TDRD9: variants seen among roughly 807,000 people sequenced by gnomAD.
The protein encoded by TDRD9 is ATP-dependent RNA helicase TDRD9.
In TDRD9, 124 loss-of-function variants were observed where a neutral mutation model predicts 172.6. That is an observed-to-expected ratio of 0.72 (90% CI 0.62 to 0.83). The LOEUF is 0.83. Ranked by LOEUF, TDRD9 falls within the 40% of genes least tolerant of loss-of-function variation. The pLI is 0.00. For synonymous variants in TDRD9, 619 were observed against 617.1 expected (o/e 1.00, Z -0.05); for missense variants, 1,479 against 1,714.1 (o/e 0.86, Z 2.42).
intron 1 of TDRD9, among the ~76,000 whole-genome samples, chr14:103,934,713 C>T (rs984583936): frequency 2.6e-5 from 4 of 152,202 alleles, no homozygotes; most frequent in Non-Finnish European, 1.5e-5. Flanking sequence ...ACCCGGCAGG[C>T]GGAGCTTGCA....
intron 34 of TDRD9, among the ~76,000 whole-genome samples, chr14:104,046,667 A>G (rs2035786662): frequency 1.3e-5 from 2 of 150,228 alleles, no homozygotes; most frequent in African/African-American, 4.9e-5. Flanking sequence ...TTTTTTTGAG[A>G]CAGAGTCTTG....
intron 30 of TDRD9, among the ~76,000 whole-genome samples, chr14:104,032,353 C>A (rs191971384): frequency 3.0e-4 from 46 of 152,186 alleles, no homozygotes; most frequent in African/African-American, 1.1e-3. Context: ...ATTACAGGCA[C>A]GTGCCACCAC....
chr14:103,998,767 G>C (rs766742206), intron 13 of TDRD9, 39 bp downstream of exon 13: 70 of 1,025,586 alleles, frequency 6.8e-5, no homozygotes, highest in Non-Finnish European at 6.8e-5. Flanking sequence ...TGAGTCATTG[G>C]TGACACAGTG....
chr14:103,998,881 T>C (rs1453960980), intron 13 of TDRD9, among the ~76,000 whole-genome samples, 153 bp downstream of exon 13: 1 of 151,970 alleles, frequency 6.6e-6, no homozygotes, highest in Non-Finnish European at 1.5e-5. Context: ...CAAGCTCCGC[T>C]TCCCGGGTTC....
intron 1 of TDRD9, chr14:103,940,313 T>C (rs1326222488): frequency 2.0e-5 from 3 of 153,182 alleles, no homozygotes; most frequent in Non-Finnish European, 4.4e-5. Context: ...CCCTGCTTCA[T>C]TTTTAAACTG....
chr14:103,956,531 A>G (rs2032251517), intron 2 of TDRD9, among the ~76,000 whole-genome samples: 1 of 152,176 alleles, frequency 6.6e-6, no homozygotes, highest in African/African-American at 2.4e-5. Context: ...AGTCCCAGCT[A>G]CTGGAGAGGC....
chr14:103,942,856 A>T (rs559909977), intron 1 of TDRD9, among the ~76,000 whole-genome samples: 1 of 152,346 alleles, frequency 6.6e-6, no homozygotes, highest in South Asian at 2.1e-4. Context: ...TTAAATTTGT[A>T]TATTTAAGCA....
intron 16 of TDRD9, 22 bp from the exon 17 acceptor site, chr14:104,006,624 C>T (rs772193205): frequency 6.2e-7 from 1 of 1,613,250 alleles, no homozygotes; most frequent in Non-Finnish European, 8.5e-7. Flanking sequence ...TTACATTCTT[C>T]TTGTTTATTT....
chr14:103,982,608 A>T (rs1304704004), intron 7 of TDRD9, among the ~76,000 whole-genome samples: 1 of 152,124 alleles, frequency 6.6e-6, no homozygotes, highest in African/African-American at 2.4e-5. Flanking sequence ...TCAGCTTCTT[A>T]AAAAATTGTG....
intron 33 of TDRD9, among the ~76,000 whole-genome samples, chr14:104,041,614 C>A (rs898607231): frequency 6.6e-6 from 1 of 152,146 alleles, no homozygotes; most frequent in African/African-American, 2.4e-5. Flanking sequence ...TAGGAAAATG[C>A]AAATTGAGAC....
intron 25 of TDRD9, among the ~76,000 whole-genome samples, chr14:104,025,183 C>T (rs2035076931): frequency 1.3e-5 from 2 of 152,212 alleles, no homozygotes; most frequent in South Asian, 4.2e-4. Context: ...GGTTTTACCA[C>T]ATTGGCCAGG....
intron 8 of TDRD9, 26 bp from the exon 9 acceptor site, chr14:103,991,134 A>G (rs1310407813): frequency 1.2e-6 from 2 of 1,613,806 alleles, no homozygotes; most frequent in South Asian, 1.1e-5. Context: ...CTTCATTAAT[A>G]TTTGTGCACA....
At chr14:103,971,703 G>A (rs1362570839) in intron 6 of TDRD9, among the ~76,000 whole-genome samples, 1 of 152,160 alleles carries the variant, frequency 6.6e-6, no homozygotes, top group Non-Finnish European at 1.5e-5. Flanking sequence ...CAACTAAGGG[G>A]CATTCTTTTA....
In TDRD9 at chr14:104,026,862, C is replaced by A; in HGVS notation, c.3205C>A (p.Gln1069Lys). 6.2e-7 allele frequency: 1 copy of A among 1,614,010 alleles called. No individual in the cohort carries two copies. Among genetic ancestry groups the A allele is most frequent in the Non-Finnish European group, 8.5e-7 (1 of 1,179,898 alleles). Residue 1069 changes from glutamine (Q) to lysine (K), a missense_variant, in exon 28 of 36, where the codon CAG (glutamine) becomes AAG (lysine). Gln to Lys is a moderately conservative substitution (Grantham distance 53). This residue lies in a region of TDRD9 where 1,413 missense variants were observed against 1,649.1 expected (regional missense o/e 0.86). Coordinates refer to ENST00000409874, the MANE Select transcript of TDRD9 (RefSeq NM_153046.3). ...HVDVYQYSGVQDAINIRDVLI... is the reference protein window; with the variant it reads ...HVDVYQYSGVKDAINIRDVLI... ...GGATGTGTACCAGTACTCAGGGGTC[C>A]AGGATGCCATCAACATAAGAGACGT... is the stretch of plus-strand genomic sequence containing the variant.
chr14:103,961,855 C>G (rs1011801934), intron 2 of TDRD9, among the ~76,000 whole-genome samples: 1 of 151,934 alleles, frequency 6.6e-6, no homozygotes, highest in African/African-American at 2.4e-5. Context: ...AAGAGAGAAG[C>G]CTGGTTGTGT....
intron 32 of TDRD9, among the ~76,000 whole-genome samples, chr14:104,036,375 T>A (rs2035450448): frequency 6.6e-6 from 1 of 152,224 alleles, no homozygotes; most frequent in African/African-American, 2.4e-5. Flanking sequence ...GATGATGCAG[T>A]AAATCCCTCT....
chr14:103,980,582 A>G lies in TDRD9; in HGVS notation c.1011+5029A>G, dbSNP rs988766421. On this transcript the variant is annotated intron_variant, in intron 7 of 35. Transcript: ENST00000409874. This position sits in a 1 kb window ranked among gnomAD's most constrained non-coding sequence, Gnocchi z 4.5. ...ACCACTGAAGCACAGCATCACAGGGAGACGGTTAGGCCTCCGGATAACTGC... is the reference window on the plus strand; with the variant it reads ...ACCACTGAAGCACAGCATCACAGGGGGACGGTTAGGCCTCCGGATAACTGC... 2.0e-5 allele frequency among the ~76,000 whole-genome samples: 3 copies of G among 152,192 alleles called. No homozygotes were observed. The highest frequency in any genetic ancestry group is 4.4e-5 in the Non-Finnish European group (3 of 68,032).
At chr14:104,032,234 T>C (rs2035306206) in intron 30 of TDRD9, 147 bp downstream of exon 30, 1 of 589,466 alleles carries the variant, frequency 1.7e-6, no homozygotes, top group Admixed American at 3.6e-5. Context: ...TGAGACAGAG[T>C]CTCATTCTGT....
rs546000650 is a variant in TDRD9, at chr14:103,973,389, G to A, written c.847-2000G>A. 8.4e-4 allele frequency among the ~76,000 whole-genome samples: 128 copies of A among 152,148 alleles called. 4 individuals are homozygous for A. The Middle Eastern group carries it at 0.031, about 36-fold the overall frequency. On this transcript the variant is annotated intron_variant, in intron 6 of 35. Transcript: ENST00000409874. ...CCTTTCCTCTCCCCCCAACCTTTAG[G>A]TCCCTGTGGTTCCCCCGACCTGGCT...
Sources: gnomAD v4.1 joint callset for allele counts (sites outside exome capture counted in the v4.1 genomes callset) on GRCh38, gnomAD v4.1.1 for gene constraint, gnomAD v4.1.1 regional missense constraint, Gnocchi (gnomAD v3.1) non-coding constraint, MANE v1.5 for transcripts, NCBI Gene and HGNC (gene_info 2026-07-23, HGNC 2026-07-21) for gene names.